The following BNC2 variants were observed in gnomAD, a reference collection of about 807,000 sequenced individuals.
The protein encoded by BNC2 is basonuclin zinc finger protein 2.
Under a neutral mutation model 76.3 loss-of-function variants are expected in BNC2, and 20 were observed. The observed-to-expected ratio is 0.26, with a 90% CI of 0.18 to 0.38. BNC2 has a LOEUF of 0.38. Ranked by LOEUF, BNC2 falls within the 10% of genes least tolerant of loss-of-function variation. The pLI is 1.00. For synonymous variants in BNC2, 582 were observed against 514.8 expected (o/e 1.13, Z -1.77); for missense variants, 1,382 against 1,399.8 (o/e 0.99, Z 0.20).
chr9:16,742,638 T>C (rs1459473254), intron 1 of BNC2, among the ~76,000 whole-genome samples: 1 of 152,178 alleles, frequency 6.6e-6, no homozygotes, highest in East Asian at 1.9e-4. Context: ...AAAGCAGCAT[T>C]AATACTGTGG....
At chr9:16,558,549 A>C (rs1818908377) in intron 4 of BNC2, among the ~76,000 whole-genome samples, 1 of 152,068 alleles carries the variant, frequency 6.6e-6, no homozygotes, top group Non-Finnish European at 1.5e-5. Context: ...CCATTTTCTC[A>C]CTGTCTACTT....
At chr9:16,705,580 T>C (rs990707574) in intron 3 of BNC2, among the ~76,000 whole-genome samples, 14 of 152,188 alleles carry the variant, frequency 9.2e-5, no homozygotes, top group African/African-American at 2.7e-4. Context: ...TTTCTTATTA[T>C]TACTGCTACT....
chr9:16,593,134 C>CA (rs879819454), intron 3 of BNC2, among the ~76,000 whole-genome samples: 3,973 of 141,886 alleles, frequency 0.028, 168 homozygotes, highest in African/African-American at 0.094. Flanking sequence ...TGTATACCAG[C>CA]AAAAAAAAAA....
intron 3 of BNC2, among the ~76,000 whole-genome samples, chr9:16,631,381 C>T (rs1306998993): frequency 6.6e-6 from 1 of 152,206 alleles, no homozygotes; most frequent in East Asian, 1.9e-4. Flanking sequence ...AGTCTAGAGG[C>T]TGCCCTGTAG....
chr9:16,472,344 G>A (rs1821843691), intron 5 of BNC2, among the ~76,000 whole-genome samples: 1 of 152,188 alleles, frequency 6.6e-6, no homozygotes, highest in Admixed American at 6.5e-5. Flanking sequence ...AAAGCTGGTA[G>A]TAAGCTTACA....
intron 5 of BNC2, among the ~76,000 whole-genome samples, chr9:16,544,549 G>A (rs1232812545): frequency 5.3e-5 from 8 of 152,096 alleles, no homozygotes; most frequent in African/African-American, 1.2e-4. Flanking sequence ...CGGGTGCAGT[G>A]GCTCATGCCT....
chr9:16,463,226 C>G (rs1315248953), intron 5 of BNC2, among the ~76,000 whole-genome samples: 1 of 150,244 alleles, frequency 6.7e-6, no homozygotes, highest in Admixed American at 6.6e-5. Context: ...GTTCTGACAA[C>G]ATTTTGGAAA....
intron 6 of BNC2, among the ~76,000 whole-genome samples, chr9:16,433,230 T>C (rs1820940775): frequency 6.6e-6 from 1 of 152,152 alleles, no homozygotes; most frequent in Admixed American, 6.5e-5. Flanking sequence ...TAACCTAAGA[T>C]CAAAAGAGTT....
chr9:16,692,847 G>A (rs1358106762), intron 3 of BNC2, among the ~76,000 whole-genome samples: 1 of 151,824 alleles, frequency 6.6e-6, no homozygotes, highest in African/African-American at 2.4e-5. Flanking sequence ...ACTTCACTGG[G>A]TGCTGGGCGT....
At chr9:16,471,538 C>T (rs907877744) in intron 5 of BNC2, among the ~76,000 whole-genome samples, 4 of 152,110 alleles carry the variant, frequency 2.6e-5, no homozygotes, top group South Asian at 2.1e-4. Context: ...GTGATCCGCC[C>T]GCCTTGGCCA....
intron 1 of BNC2, among the ~76,000 whole-genome samples, chr9:16,788,749 G>C (rs1339009753): frequency 6.6e-6 from 1 of 151,956 alleles, no homozygotes; most frequent in African/African-American, 2.4e-5. Flanking sequence ...GATAAGGAAG[G>C]AGAGAAATCA....
At chr9:16,486,166 G>C (rs1822160720) in intron 5 of BNC2, among the ~76,000 whole-genome samples, 2 of 152,188 alleles carry the variant, frequency 1.3e-5, no homozygotes, top group Non-Finnish European at 2.9e-5. Flanking sequence ...AAAGAACTTA[G>C]AAGAGTCAAA....
At chr9:16,761,229 C>G (rs932460483) in intron 1 of BNC2, among the ~76,000 whole-genome samples, 25 of 151,948 alleles carry the variant, frequency 1.6e-4, no homozygotes, top group Non-Finnish European at 3.4e-4. Flanking sequence ...GCCTGGCAGA[C>G]AGAGTAAGAC....
chr9:16,454,105 G>A (rs1291976179), intron 5 of BNC2, among the ~76,000 whole-genome samples: 3 of 151,936 alleles, frequency 2.0e-5, no homozygotes, highest in East Asian at 1.9e-4. Context: ...CTTGAATTCT[G>A]TGATCTGTTC....
chr9:16,688,762 A>G (rs954217628), intron 3 of BNC2, among the ~76,000 whole-genome samples: 2 of 152,190 alleles, frequency 1.3e-5, no homozygotes, highest in Non-Finnish European at 2.9e-5. Flanking sequence ...TAATTATGGA[A>G]TAACTGCCTA....
intron 3 of BNC2, among the ~76,000 whole-genome samples, chr9:16,673,648 G>C (rs746097066): frequency 1.4e-4 from 22 of 152,012 alleles, no homozygotes; most frequent in Non-Finnish European, 2.6e-4. Context: ...GGTTTATACA[G>C]AATAGATTAA....
At chr9:16,695,072 A>G (rs1352246397) in intron 3 of BNC2, among the ~76,000 whole-genome samples, 1 of 152,198 alleles carries the variant, frequency 6.6e-6, no homozygotes, top group East Asian at 1.9e-4. Context: ...TCTTATGAAA[A>G]TATTTTTTCC....
chr9:16,514,572 C>T (rs1347070685), intron 5 of BNC2, among the ~76,000 whole-genome samples: 1 of 152,130 alleles, frequency 6.6e-6, no homozygotes, highest in Non-Finnish European at 1.5e-5. Context: ...AATCTGTTAT[C>T]TGTATCATAA....
At chr9:16,526,060 C>A (rs1012492632) in intron 5 of BNC2, among the ~76,000 whole-genome samples, 12 of 151,852 alleles carry the variant, frequency 7.9e-5, no homozygotes, top group African/African-American at 2.7e-4. Flanking sequence ...CATAACCTGT[C>A]CTGATCTTTA....
Sources: gnomAD v4.1 joint callset for allele counts (sites outside exome capture counted in the v4.1 genomes callset) on GRCh38, gnomAD v4.1.1 for gene constraint, MANE v1.5 for transcripts, NCBI Gene and HGNC (gene_info 2026-07-23, HGNC 2026-07-21) for gene names.